NF2: variants seen among roughly 807,000 people sequenced by gnomAD.
NF2 encodes merlin.
A neutral mutation model predicts 83.7 loss-of-function variants in NF2; 8 were observed. The observed-to-expected ratio is 0.10, with a 90% confidence interval of 0.06 to 0.17. The LOEUF is 0.17. Among genes scored for constraint, NF2 ranks in the 10% least tolerant of loss-of-function variants. The probability of loss-of-function intolerance (pLI) is 1.00; values close to 1 mark genes in which losing one functional copy is unlikely to be tolerated. For synonymous variants in NF2, 266 were observed against 269.6 expected (o/e 0.99, Z 0.13); for missense variants, 533 against 744.4 (o/e 0.72, Z 3.31).
intron 4 of NF2, among the ~76,000 whole-genome samples, chr22:29,644,793 C>T (rs958218221): frequency 3.5e-4 from 54 of 152,224 alleles, no homozygotes; most frequent in Admixed American, 9.1e-4. Flanking sequence ...TGGTGGCGCG[C>T]GCCTGCAATT....
intron 10 of NF2, among the ~76,000 whole-genome samples, chr22:29,671,157 G>A (rs1420948716): frequency 6.6e-6 from 1 of 152,130 alleles, no homozygotes; most frequent in Non-Finnish European, 1.5e-5. Context: ...CATCCCATCG[G>A]CCATGGGGCA....
At chr22:29,677,198 C>T (rs2066991055) in intron 13 of NF2, among the ~76,000 whole-genome samples, 1 of 152,148 alleles carries the variant, frequency 6.6e-6, no homozygotes, top group African/African-American at 2.4e-5. Flanking sequence ...GGTGGAATCG[C>T]AGAAGAACCA....
Position 29,698,529 on chromosome 22 carries a change from G to A in NF2, c.*3727G>A, listed in dbSNP as rs2147189951. On this transcript the variant is annotated 3_prime_UTR_variant, in exon 16 of 16. Coordinates refer to ENST00000338641, the MANE Select transcript of NF2 (RefSeq NM_000268.4). Reference sequence around the variant, plus strand: ...CTCCTATCAGGGCCAGATCATAGAAGGCTATTTTCTATTCTGGGGAACGAT... The same window carrying A: ...CTCCTATCAGGGCCAGATCATAGAAAGCTATTTTCTATTCTGGGGAACGAT... 1 of 199,346 alleles carries A rather than the reference G, an allele frequency of 5.0e-6. No homozygotes were observed. Among genetic ancestry groups the A allele is most frequent in the Non-Finnish European group, 1.0e-5 (1 of 96,420 alleles). 12.3% of individuals were successfully genotyped at this position (199,346 alleles called of 1,614,324 possible).
In NF2 at chr22:29,681,635, C is replaced by T. The variant is rs748737182; in HGVS notation, c.1737+34C>T. The stretch of plus-strand genomic sequence containing the variant: ...GGTCTCTTTCTTGTATTTTGCTGAT[C>T]AGGACCATCATTAATGAAATGTGCG... On this transcript the variant is annotated intron_variant, in intron 15 of 15. Coordinates refer to ENST00000338641, the MANE Select transcript of NF2 (RefSeq NM_000268.4). 3 of 1,612,848 alleles carry T rather than the reference C, an allele frequency of 1.9e-6. No homozygotes were observed. In the South Asian group the frequency reaches 3.3e-5, roughly 18 times the overall value.
At chr22:29,644,061 G>T (rs867490047) in intron 4 of NF2, among the ~76,000 whole-genome samples, 1 of 147,986 alleles carries the variant, frequency 6.8e-6, no homozygotes, top group South Asian at 2.2e-4. Flanking sequence ...GCTGCCGGGC[G>T]GAGACGCTCC....
At chr22:29,609,519 C>A in intron 1 of NF2, 1 of 244,040 alleles carries the variant, frequency 4.1e-6, no homozygotes, top group Non-Finnish European at 8.6e-6. Context: ...TTAAGGAGCC[C>A]AATGTTTGTT....
At chr22:29,666,947 G>A (rs1447806412) in intron 9 of NF2, among the ~76,000 whole-genome samples, 1 of 151,972 alleles carries the variant, frequency 6.6e-6, no homozygotes, top group Admixed American at 6.6e-5. Context: ...TTGCACTCCA[G>A]CCTGGGCAAC....
chr22:29,681,835 C>A (rs537337101), intron 15 of NF2, among the ~76,000 whole-genome samples: 1 of 152,250 alleles, frequency 6.6e-6, no homozygotes, highest in African/African-American at 2.4e-5. Context: ...ATGTAATGAA[C>A]CCCTGTTACA....
Position 29,697,678 on chromosome 22 carries a change from T to C in NF2, c.*2876T>C, listed in dbSNP as rs5763431. ...GCCTCCCGGATTCAAGCAATTCTCC[T>C]GCCTCAGCCTCCCGAGTAGCTGGGA... is the stretch of plus-strand genomic sequence containing the variant. On this transcript the variant is annotated 3_prime_UTR_variant, in exon 16 of 16. Coordinates refer to ENST00000338641, the MANE Select transcript of NF2 (RefSeq NM_000268.4). The C allele has an allele frequency of 0.31, 54,231 of 172,452 alleles. 8,993 individuals carry two copies. Among genetic ancestry groups the C allele is most frequent in the Non-Finnish European group, 0.37 (29,792 of 79,812 alleles). The allele number at this position is 172,452 out of a possible 1,614,324, so 10.7% of individuals were successfully genotyped here.
At chr22:29,666,309 T>C (rs1322344557) in intron 9 of NF2, among the ~76,000 whole-genome samples, 2 of 152,054 alleles carry the variant, frequency 1.3e-5, no homozygotes, top group Non-Finnish European at 2.9e-5. Flanking sequence ...CCCGGCTAAT[T>C]TTTGTATTTT....
chr22:29,607,434 C>G (rs1426783865), intron 1 of NF2, among the ~76,000 whole-genome samples: 1 of 152,208 alleles, frequency 6.6e-6, no homozygotes, highest in Non-Finnish European at 1.5e-5. Context: ...AAAGCTGCAC[C>G]TCCCTGAAGA....
chr22:29,683,843 A>G, intron 15 of NF2: 2 of 1,058,218 alleles, frequency 1.9e-6, no homozygotes, highest in Non-Finnish European at 2.3e-6. Context: ...GCAACAGTTC[A>G]TTATTCCTCC....
chr22:29,624,813 C>CTTTCT (rs1555983558), intron 1 of NF2, among the ~76,000 whole-genome samples: 5 of 114,946 alleles, frequency 4.3e-5, no homozygotes, highest in African/African-American at 1.1e-4. Context: ...TTCTTTCTTT[C>CTTTCT]TTTCTTTCTT....
rs188812769 is a variant in NF2, at chr22:29,698,115, A to T, written c.*3313A>T. ...GGCACAGATGGCTTCGTTCATCCTG[A>T]TCAAGGCCCCACCTCAGCCACAGCA... On this transcript the variant is annotated 3_prime_UTR_variant, in exon 16 of 16. Transcript: ENST00000338641. 77 of 231,674 alleles carry T rather than the reference A, an allele frequency of 3.3e-4. 1 individual carries two copies. Among genetic ancestry groups the T allele is most frequent in the African/African-American group, 1.6e-3 (74 of 45,316 alleles). The allele number at this position is 231,674 out of a possible 1,614,324, so 14.4% of individuals were successfully genotyped here. A position where few individuals can be genotyped will look rare whatever the true frequency, so the allele number is the denominator to read the frequency against.
chr22:29,632,028 T>C (rs2065526141), intron 1 of NF2, among the ~76,000 whole-genome samples: 1 of 152,234 alleles, frequency 6.6e-6, no homozygotes, highest in Non-Finnish European at 1.5e-5. Context: ...ATGGTATTAG[T>C]GTGTTCCCTA....
At chr22:29,649,636 G>A (rs2066086623) in intron 4 of NF2, among the ~76,000 whole-genome samples, 1 of 152,120 alleles carries the variant, frequency 6.6e-6, no homozygotes, top group Admixed American at 6.5e-5. Context: ...CAGCTACTCA[G>A]GAGGCTGAGG....
intron 9 of NF2, 122 bp downstream of exon 9, chr22:29,665,186 A>T (rs945779585): frequency 1.2e-6 from 1 of 805,926 alleles, no homozygotes; most frequent in Non-Finnish European, 2.1e-6. Context: ...CACTTGGCGC[A>T]TACTTTCTGT....
intron 1 of NF2, among the ~76,000 whole-genome samples, chr22:29,634,522 C>G (rs1411968180): frequency 6.6e-6 from 1 of 152,206 alleles, no homozygotes; most frequent in Admixed American, 6.5e-5. Context: ...CTGCACACCC[C>G]ACTTACAGAC....
chr22:29,667,218 A>G (rs1048434563), intron 9 of NF2, among the ~76,000 whole-genome samples: 1 of 151,930 alleles, frequency 6.6e-6, no homozygotes, highest in South Asian at 2.1e-4. Flanking sequence ...CTAAAATGGT[A>G]TCTCATTATC....
Sources: gnomAD v4.1 joint callset for allele counts (sites outside exome capture counted in the v4.1 genomes callset) on GRCh38, gnomAD v4.1.1 for gene constraint, MANE v1.5 for transcripts, NCBI Gene and HGNC (gene_info 2026-07-23, HGNC 2026-07-21) for gene names.